The following HERC4 variants were observed in gnomAD, a reference collection of about 807,000 sequenced individuals.
HERC4 encodes probable E3 ubiquitin-protein ligase HERC4.
Under a neutral mutation model 124.3 loss-of-function variants are expected in HERC4, and 28 were observed. The ratio of observed to expected loss-of-function variants is 0.23; its 90% confidence interval spans 0.17 to 0.31. The LOEUF (loss-of-function observed/expected upper bound fraction) is 0.31, where lower values mean the gene tolerates loss of function less well. Among genes scored for constraint, HERC4 ranks in the 10% least tolerant of loss-of-function variants. HERC4 has a pLI of 1.00. For synonymous variants in HERC4, 407 were observed against 421.5 expected (o/e 0.97, Z 0.42); for missense variants, 713 against 1,229.3 (o/e 0.58, Z 6.28).
intron 3 of HERC4, among the ~76,000 whole-genome samples, chr10:68,045,295 C>T (rs2133514377): frequency 6.6e-6 from 1 of 152,228 alleles, no homozygotes; most frequent in East Asian, 1.9e-4. Context: ...TGCACTCCAG[C>T]CAGCCTGGGT....
chr10:68,012,211 A>G (rs1284149213), intron 9 of HERC4, among the ~76,000 whole-genome samples: 1 of 152,182 alleles, frequency 6.6e-6, no homozygotes, highest in Admixed American at 6.5e-5. Context: ...CGTATCAGCA[A>G]TAAGGCTGTT....
At chr10:68,058,724 T>C (rs938669216) in intron 3 of HERC4, among the ~76,000 whole-genome samples, 4 of 151,938 alleles carry the variant, frequency 2.6e-5, no homozygotes, top group Non-Finnish European at 4.4e-5. Flanking sequence ...GAGTTTGGCA[T>C]GATTATCCTA....
intron 15 of HERC4, among the ~76,000 whole-genome samples, chr10:67,976,387 A>C (rs2035588689): frequency 6.6e-6 from 1 of 151,178 alleles, no homozygotes; most frequent in Non-Finnish European, 1.5e-5. Context: ...CTCTTGCAGA[A>C]TATGATTCAC....
chr10:68,038,708 C>T (rs927761423), intron 4 of HERC4, among the ~76,000 whole-genome samples: 2 of 152,148 alleles, frequency 1.3e-5, no homozygotes, highest in African/African-American at 4.8e-5. Context: ...ACGTCTAAAT[C>T]AGGGACATTC....
At chr10:67,923,568 C>CT (rs1029816564) in intron 24 of HERC4, among the ~76,000 whole-genome samples, 41 of 148,846 alleles carry the variant, frequency 2.8e-4, no homozygotes, top group Middle Eastern at 3.4e-3. Context: ...TCAAATCATT[C>CT]TTTTTTTTTT....
intron 9 of HERC4, among the ~76,000 whole-genome samples, chr10:68,006,777 T>C (rs1430009863): frequency 3.6e-4 from 55 of 152,224 alleles, no homozygotes. Flanking sequence ...GTTATTTTCC[T>C]TTAGCACTTT....
intron 7 of HERC4, among the ~76,000 whole-genome samples, chr10:68,031,175 TAA>T (rs1204482899): frequency 6.6e-6 from 1 of 152,156 alleles, no homozygotes; most frequent in African/African-American, 2.4e-5. Context: ...TACAAAAGAT[TAA>T]GAGAATTAGC....
chr10:68,023,348 G>A (rs977529458), intron 8 of HERC4, among the ~76,000 whole-genome samples: 1 of 152,196 alleles, frequency 6.6e-6, no homozygotes, highest in Non-Finnish European at 1.5e-5. Flanking sequence ...ACAATGGAAT[G>A]CTGTTCAGCC....
At chr10:67,993,448 C>A in intron 9 of HERC4, 1 of 151,320 alleles carries the variant, frequency 6.6e-6, no homozygotes, top group Non-Finnish European at 1.5e-5. Flanking sequence ...GAGCCCAGTT[C>A]AAAGCTGCAG....
chr10:68,056,879 A>G (rs2040575427), intron 3 of HERC4, among the ~76,000 whole-genome samples: 1 of 152,200 alleles, frequency 6.6e-6, no homozygotes, highest in Non-Finnish European at 1.5e-5. Flanking sequence ...AAAATAACCA[A>G]AATCTGGCAA....
chr10:68,013,173 A>G (rs1288101927), intron 9 of HERC4, among the ~76,000 whole-genome samples: 1 of 152,248 alleles, frequency 6.6e-6, no homozygotes, highest in Non-Finnish European at 1.5e-5. Context: ...AATAAAGCAT[A>G]TTTATAAACT....
Position 68,038,895 on chromosome 10 carries a change from A to C in HERC4, c.387-726T>G, listed in dbSNP as rs560431578. On this transcript the variant is annotated intron_variant, in intron 4 of 24. Coordinates refer to ENST00000373700, the MANE Select transcript of HERC4 (RefSeq NM_015601.4). ...TTTAAAGGCTCATTTTTAAAACATTACAAAACTCAATTAACTTTGTATGTA... is the reference window on the plus strand; with the variant it reads ...TTTAAAGGCTCATTTTTAAAACATTCCAAAACTCAATTAACTTTGTATGTA... 8.5e-5 allele frequency among the ~76,000 whole-genome samples: 13 copies of C among 152,278 alleles called. No homozygotes were observed. The South Asian group carries it at 2.7e-3, about 32-fold the overall frequency.
At chr10:67,960,762 C>A (rs2034464446) in intron 16 of HERC4, 1 of 219,774 alleles carries the variant, frequency 4.6e-6, no homozygotes, top group Admixed American at 5.8e-5. Flanking sequence ...CTGTCACATC[C>A]CCAGTAGCCT....
chr10:68,060,331 G>C (rs184963853), intron 3 of HERC4, among the ~76,000 whole-genome samples: 1 of 151,950 alleles, frequency 6.6e-6, no homozygotes, highest in African/African-American at 2.4e-5. Context: ...TCTGCTTCCC[G>C]GGTTCAAGCA....
chr10:67,959,786 G>C (rs1181484900), intron 16 of HERC4, among the ~76,000 whole-genome samples: 2 of 152,186 alleles, frequency 1.3e-5, no homozygotes, highest in Non-Finnish European at 2.9e-5. Context: ...AGTAATAGTG[G>C]AAATTATAAT....
intron 23 of HERC4, among the ~76,000 whole-genome samples, chr10:67,926,466 A>C (rs1051424822): frequency 2.0e-5 from 3 of 152,030 alleles, no homozygotes; most frequent in Non-Finnish European, 4.4e-5. Context: ...AGCAGGTAGG[A>C]AGTAGAGAGG....
At chr10:68,033,234 T>A (rs979499461) in intron 6 of HERC4, among the ~76,000 whole-genome samples, 2 of 152,076 alleles carry the variant, frequency 1.3e-5, no homozygotes, top group Non-Finnish European at 2.9e-5. Flanking sequence ...GAAAAAAAAA[T>A]GTACTTTAGG....
intron 15 of HERC4, among the ~76,000 whole-genome samples, chr10:67,977,236 G>A (rs1174860101): frequency 6.6e-6 from 1 of 152,160 alleles, no homozygotes; most frequent in Non-Finnish European, 1.5e-5. Flanking sequence ...CAGCTGGATA[G>A]GGCACCAGTC....
chr10:67,967,819 C>T (rs2034979208), intron 15 of HERC4, among the ~76,000 whole-genome samples: 1 of 151,640 alleles, frequency 6.6e-6, no homozygotes, highest in Non-Finnish European at 1.5e-5. Context: ...GTTAAATAAA[C>T]ATCACAATGA....
Sources: gnomAD v4.1 joint callset for allele counts (sites outside exome capture counted in the v4.1 genomes callset) on GRCh38, gnomAD v4.1.1 for gene constraint, MANE v1.5 for transcripts, NCBI Gene and HGNC (gene_info 2026-07-23, HGNC 2026-07-21) for gene names.